The following TCERG1L variants were observed in gnomAD, a reference collection of about 807,000 sequenced individuals.
TCERG1L encodes the protein transcription elongation regulator 1-like protein.
A neutral mutation model predicts 56.3 loss-of-function variants in TCERG1L; 37 were observed. The observed-to-expected ratio is 0.66, with a 90% confidence interval of 0.51 to 0.87. TCERG1L has a LOEUF of 0.87. TCERG1L is among the 40% of genes least tolerant of loss of function. The pLI is 0.00. For synonymous variants in TCERG1L, 324 were observed against 326.3 expected, an observed-to-expected ratio of 0.99 and a Z score of 0.08; for missense variants, 799 against 774.2, an observed-to-expected ratio of 1.03 and a Z score of -0.38.
Position 131,122,632 on chromosome 10 carries a change from G to A in TCERG1L, c.1260-5698C>T, listed in dbSNP as rs138722548. 2.3e-3 allele frequency among the ~76,000 whole-genome samples: 348 copies of A among 152,278 alleles called. 3 individuals are homozygous for A. The highest frequency in any genetic ancestry group is 7.5e-3 in the African/African-American group (313 of 41,552). On this transcript the variant is annotated intron_variant, in intron 8 of 11. Coordinates refer to ENST00000368642, the MANE Select transcript of TCERG1L (RefSeq NM_174937.4). Reference sequence around the variant, plus strand: ...GTCTCTTCCATTTGGCTGCTCCTGCGTTGTCACCTCGATCATAAAACTGTA... The same window carrying A: ...GTCTCTTCCATTTGGCTGCTCCTGCATTGTCACCTCGATCATAAAACTGTA...
chr10:131,121,792 G>A (rs763333931), intron 8 of TCERG1L, among the ~76,000 whole-genome samples: 1 of 151,760 alleles, frequency 6.6e-6, no homozygotes, highest in Non-Finnish European at 1.5e-5. Context: ...CCCTGCAGAC[G>A]GACAGTGCCA....
Position 131,241,274 on chromosome 10 carries a change from A to C in TCERG1L, c.856+18985T>G, listed in dbSNP as rs150926285. On this transcript the variant is annotated intron_variant, in intron 4 of 11. Coordinates refer to ENST00000368642, the MANE Select transcript of TCERG1L (RefSeq NM_174937.4). Reference sequence around the variant, plus strand: ...GTTTTCAAAATGTCAATAGATTTAGAAAACAAAGTTAAGGAAGTCTACCAG... The same window carrying C: ...GTTTTCAAAATGTCAATAGATTTAGCAAACAAAGTTAAGGAAGTCTACCAG... 3.5e-3 allele frequency among the ~76,000 whole-genome samples: 532 copies of C among 152,294 alleles called. 3 individuals are homozygous for C. Among genetic ancestry groups the C allele is most frequent in the Middle Eastern group, 0.01 (3 of 294 alleles).
intron 4 of TCERG1L, among the ~76,000 whole-genome samples, chr10:131,211,821 G>C (rs1216460993): frequency 6.6e-6 from 1 of 152,190 alleles, no homozygotes; most frequent in Non-Finnish European, 1.5e-5. Flanking sequence ...GCAGACGGCG[G>C]CTGGGAGCAT....
intron 3 of TCERG1L, among the ~76,000 whole-genome samples, chr10:131,262,418 T>TA (rs1389328991): frequency 6.6e-6 from 1 of 152,212 alleles, no homozygotes; most frequent in Non-Finnish European, 1.5e-5. Context: ...TGAACATATC[T>TA]AGATGGCAGA....
At chr10:131,136,083 C>T (rs1006732552) in intron 7 of TCERG1L, among the ~76,000 whole-genome samples, 9 of 152,240 alleles carry the variant, frequency 5.9e-5, no homozygotes, top group Admixed American at 5.9e-4. Context: ...TCCAGAAGTT[C>T]CCAAATGTCC....
intron 4 of TCERG1L, among the ~76,000 whole-genome samples, chr10:131,177,561 C>G (rs985946467): frequency 6.6e-6 from 1 of 152,248 alleles, no homozygotes; most frequent in Admixed American, 6.5e-5. Context: ...TCCCGAAGTG[C>G]AGCATGCCCA....
chr10:131,228,054 G>A (rs139695643), intron 4 of TCERG1L, among the ~76,000 whole-genome samples: 38 of 151,220 alleles, frequency 2.5e-4, no homozygotes, highest in African/African-American at 9.0e-4. Context: ...TTTTCTCAGT[G>A]GCATTGCAGG....
chr10:131,196,850 G>A (rs965273895), intron 4 of TCERG1L, among the ~76,000 whole-genome samples: 4 of 152,222 alleles, frequency 2.6e-5, no homozygotes, highest in Non-Finnish European at 2.9e-5. Flanking sequence ...AATTGATACC[G>A]TATTTGCATT....
chr10:131,095,285 A>G (rs1760397553), intron 11 of TCERG1L: 1 of 147,428 alleles, frequency 6.8e-6, no homozygotes, highest in Admixed American at 6.8e-5. Flanking sequence ...CCACCTGGCT[A>G]GGACCCAGTC....
chr10:131,278,296 CT>C (rs1846414240), intron 3 of TCERG1L, among the ~76,000 whole-genome samples: 1 of 151,896 alleles, frequency 6.6e-6, no homozygotes, highest in Non-Finnish European at 1.5e-5. Context: ...GAGGCCCCCC[CT>C]CCTGTCCTCT....
chr10:131,159,233 G>A (rs1845953164), intron 6 of TCERG1L, among the ~76,000 whole-genome samples: 5 of 152,134 alleles, frequency 3.3e-5, no homozygotes, highest in Admixed American at 1.3e-4. Context: ...CATGTGCCAG[G>A]GACTTACCGA....
chr10:131,291,397 A>ATTTTTTTTTTT (rs1564835283), intron 3 of TCERG1L, among the ~76,000 whole-genome samples: 1 of 60,186 alleles, frequency 1.7e-5, no homozygotes. Flanking sequence ...CATAAACAGC[A>ATTTTTTTTTTT]TTTCTTTTTT....
rs138368165 is a variant in TCERG1L at position 131,121,908 on chromosome 10, G to A, written c.1260-4974C>T. On this transcript the variant is annotated intron_variant, in intron 8 of 11. Transcript: ENST00000368642. ...TCGTATAGTCTTGTCTCAGCCTGCA[G>A]GTACCACACCACCATCAGGGGTCCC... Among the ~76,000 whole-genome samples, 65 of 152,348 alleles carry A rather than the reference G, an allele frequency of 4.3e-4. 1 individual carries two copies. Among genetic ancestry groups the A allele is most frequent in the South Asian group, 3.5e-3 (17 of 4,828 alleles).
intron 3 of TCERG1L, among the ~76,000 whole-genome samples, chr10:131,271,623 T>G (rs1443306056): frequency 6.6e-6 from 1 of 152,226 alleles, no homozygotes; most frequent in Non-Finnish European, 1.5e-5. Context: ...GCCGGTGGGA[T>G]GCAGAACAGA....
In TCERG1L at chr10:131,311,383, C is replaced by A; in HGVS notation, c.253G>T (p.Glu85Ter). 1 of 1,190,806 alleles carries A rather than the reference C, an allele frequency of 8.4e-7. No individual in the cohort carries two copies. Among genetic ancestry groups the A allele is most frequent in the Non-Finnish European group, 1.0e-6 (1 of 963,094 alleles). 73.8% of individuals were successfully genotyped at this position (1,190,806 alleles called of 1,614,324 possible). A position where few individuals can be genotyped will look rare whatever the true frequency, so the allele number is the denominator to read the frequency against. ...AGCGGCAGCAGCGGGAGCACCGGCTCGCTCGGGGCCGGCCAGCCGGGGAGA... is the reference window on the plus strand; with the variant it reads ...AGCGGCAGCAGCGGGAGCACCGGCTAGCTCGGGGCCGGCCAGCCGGGGAGA... Reference protein sequence around the residue: ...PGLPGWPAPSEPVLPLLPLPS... With the variant: ...PGLPGWPAPS The change falls in exon 1 of 12, where the codon GAG becomes TAG. Residue 85 changes from glutamate to a stop codon, truncating the protein, a stop_gained. Coordinates refer to ENST00000368642, the MANE Select transcript of TCERG1L (RefSeq NM_174937.4). LOFTEE classifies it high-confidence loss of function. The surrounding 1 kb of genome is among the most constrained non-coding windows in gnomAD (Gnocchi z 4.0).
intron 10 of TCERG1L, among the ~76,000 whole-genome samples, chr10:131,101,945 G>A (rs1321289845): frequency 5.3e-5 from 8 of 152,026 alleles, no homozygotes; most frequent in South Asian, 2.1e-4. Context: ...CAGATGATCC[G>A]CCCACCTCGG....
At position 131,118,550 on chromosome 10, in the gene TCERG1L, G is replaced by T. The variant is rs12778933; in HGVS notation, c.1260-1616C>A. Among the ~76,000 whole-genome samples the T allele has an allele frequency of 0.17, 25,548 of 151,892 alleles. 2,265 individuals are homozygous for T. Among genetic ancestry groups the T allele is most frequent in the East Asian group, 0.37 (1,906 of 5,128 alleles). ...CTACCCTTCCCTTAATCTGCTCACC[G>T]GGACACCTTACCAGATTTCTCATCC... On this transcript the variant is annotated intron_variant, in intron 8 of 11. Transcript: ENST00000368642. The surrounding 1 kb of genome is among the most constrained non-coding windows in gnomAD (Gnocchi z 4.2).
intron 4 of TCERG1L, among the ~76,000 whole-genome samples, chr10:131,189,316 A>C (rs889780066): frequency 1.3e-5 from 2 of 152,092 alleles, no homozygotes; most frequent in Non-Finnish European, 2.9e-5. Flanking sequence ...ATAACTTCCA[A>C]TTATCCATCC....
At chr10:131,201,303 C>G (rs888563950) in intron 4 of TCERG1L, among the ~76,000 whole-genome samples, 1 of 152,208 alleles carries the variant, frequency 6.6e-6, no homozygotes, top group East Asian at 1.9e-4. Context: ...AAACACTCCA[C>G]CACCACCCAC....
Sources: gnomAD v4.1 joint callset for allele counts (sites outside exome capture counted in the v4.1 genomes callset) on GRCh38, gnomAD v4.1.1 for gene constraint, Gnocchi (gnomAD v3.1) non-coding constraint, MANE v1.5 for transcripts, NCBI Gene and HGNC (gene_info 2026-07-23, HGNC 2026-07-21) for gene names.